Variants in ALG5 observed in about 807,000 individuals in gnomAD.
ALG5 encodes dolichyl-phosphate beta-glucosyltransferase.
ALG5 carries 26 observed loss-of-function variants against 51.8 expected under a neutral mutation model. That is an observed-to-expected ratio of 0.50 (90% CI 0.37 to 0.70). The LOEUF (loss-of-function observed/expected upper bound fraction) is 0.70. Ranked by LOEUF, ALG5 falls within the 30% of genes least tolerant of loss-of-function variation. The probability of loss-of-function intolerance (pLI) is 0.00; values close to 1 mark genes in which losing one functional copy is unlikely to be tolerated. For synonymous variants in ALG5, 141 were observed against 136.1 expected, an observed-to-expected ratio of 1.04 and a Z score of -0.25; for missense variants, 311 against 399.3, an observed-to-expected ratio of 0.78 and a Z score of 1.88.
At chr13:36,995,152 C>T in intron 2 of ALG5, 117 bp from the exon 3 acceptor site, 1 of 899,712 alleles carries the variant, frequency 1.1e-6, no homozygotes, top group Non-Finnish European at 1.7e-6. Context: ...TGGTACTTTC[C>T]CAATGGTCAT....
At chr13:36,995,294 C>T (rs1024782919) in intron 2 of ALG5, 131 bp downstream of exon 2, 2 of 1,010,656 alleles carry the variant, frequency 2.0e-6, no homozygotes, top group Admixed American at 2.7e-5. Flanking sequence ...CGAACTACAA[C>T]AATTATCAAC....
chr13:36,960,633 C>T (rs2058861685), intron 8 of ALG5, among the ~76,000 whole-genome samples: 1 of 151,938 alleles, frequency 6.6e-6, no homozygotes, highest in Admixed American at 6.6e-5. Flanking sequence ...CTGCCTCAGC[C>T]TCCTGAGTAG....
intron 6 of ALG5, among the ~76,000 whole-genome samples, chr13:36,974,179 T>A (rs1219252442): frequency 6.6e-6 from 1 of 151,686 alleles, no homozygotes; most frequent in Non-Finnish European, 1.5e-5. Context: ...CACTGTATAG[T>A]ACCACACTTT....
intron 6 of ALG5, among the ~76,000 whole-genome samples, chr13:36,981,746 A>C (rs953284396): frequency 2.0e-5 from 3 of 152,222 alleles, no homozygotes; most frequent in African/African-American, 7.2e-5. Context: ...ACGAACAGAC[A>C]CATCTTCAGT....
At position 36,981,393 on chromosome 13, in the gene ALG5, C is replaced by T. The variant is rs146654381; in HGVS notation, c.561+4234G>A. ...TTATAGGACTTGACTACAAAACCCA[C>T]GTTCCTGTTTCATTATTTTCTGAAC... is the stretch of plus-strand genomic sequence containing the variant. On this transcript the variant is annotated intron_variant, in intron 6 of 9. Transcript: ENST00000239891. Among the ~76,000 whole-genome samples, 959 of 152,280 alleles carry T rather than the reference C, an allele frequency of 6.3e-3. 10 individuals carry two copies. The highest frequency in any genetic ancestry group is 0.022 in the African/African-American group (902 of 41,546).
intron 6 of ALG5, among the ~76,000 whole-genome samples, chr13:36,976,875 T>C (rs1316606830): frequency 6.6e-6 from 1 of 152,246 alleles, no homozygotes; most frequent in Non-Finnish European, 1.5e-5. Context: ...AGAGGAAGCA[T>C]GTTAAAAGTT....
intron 7 of ALG5, among the ~76,000 whole-genome samples, chr13:36,971,649 C>CAA (rs35424140): frequency 0.066 from 3,324 of 50,704 alleles, 685 homozygotes; most frequent in African/African-American, 0.26. Flanking sequence ...ACTCCGTCTC[C>CAA]AAAAAAAAAA....
At position 36,949,962 on chromosome 13, in the gene ALG5, G is replaced by C; in HGVS notation, c.955C>G (p.Gln319Glu). Reference protein sequence around the residue: ...RYLTGAWRLEQTRKMN With the variant: ...RYLTGAWRLEETRKMN ...ACAACCTAATTCATTTTCCGAGTTT[G>C]CTCAAGCCTCCAGGCACCAGTCAAA... is the stretch of plus-strand genomic sequence containing the variant. Residue 319 changes from glutamine to glutamate, a missense_variant, in exon 10 of 10, where the codon CAA (glutamine) becomes GAA (glutamate). Physicochemically the swap from Gln to Glu is conservative, Grantham distance 29. Transcript: ENST00000239891. The C allele has an allele frequency of 6.2e-7, 1 of 1,611,336 alleles. No homozygotes were observed. The highest frequency in any genetic ancestry group is 8.5e-7 in the Non-Finnish European group (1 of 1,178,930).
intron 7 of ALG5, chr13:36,967,692 G>A: frequency 1.8e-6 from 1 of 568,884 alleles, no homozygotes; most frequent in Non-Finnish European, 3.0e-6. Context: ...AGATAGGGCA[G>A]AAACCTCATC....
intron 7 of ALG5, among the ~76,000 whole-genome samples, chr13:36,969,273 C>T (rs1010164557): frequency 8.5e-5 from 13 of 152,090 alleles, no homozygotes; most frequent in Non-Finnish European, 1.6e-4. Context: ...AAACACATGG[C>T]TCCTTTCTAC....
intron 5 of ALG5, among the ~76,000 whole-genome samples, chr13:36,987,603 A>C (rs938410722): frequency 6.6e-5 from 10 of 152,130 alleles, no homozygotes; most frequent in African/African-American, 2.4e-4. Flanking sequence ...CCTTCACTAG[A>C]GGCAAATGCT....
intron 6 of ALG5, among the ~76,000 whole-genome samples, chr13:36,983,549 C>T (rs2058988834): frequency 7.2e-6 from 1 of 139,438 alleles, no homozygotes; most frequent in African/African-American, 2.7e-5. Flanking sequence ...GCCTGGGCAA[C>T]ACAGTAAGAC....
intron 6 of ALG5, among the ~76,000 whole-genome samples, chr13:36,973,908 T>G (rs1052850165): frequency 6.6e-6 from 1 of 152,216 alleles, no homozygotes; most frequent in African/African-American, 2.4e-5. Flanking sequence ...GCACACTCTC[T>G]AGCAACAGCA....
At chr13:36,993,751 A>C (rs2059036060) in intron 3 of ALG5, 79 bp from the exon 4 acceptor site, 4 of 1,140,782 alleles carry the variant, frequency 3.5e-6, no homozygotes, top group Admixed American at 1.7e-5. Flanking sequence ...AGTAATTTAA[A>C]AAACAACTGC....
At chr13:36,979,362 T>G (rs1039740738) in intron 6 of ALG5, among the ~76,000 whole-genome samples, 10 of 152,126 alleles carry the variant, frequency 6.6e-5, no homozygotes, top group African/African-American at 2.4e-4. Context: ...ACTTTGGAGG[T>G]TGAGTTCTCT....
intron 8 of ALG5, among the ~76,000 whole-genome samples, chr13:36,959,325 C>G (rs2058855009): frequency 6.6e-6 from 1 of 152,150 alleles, no homozygotes; most frequent in South Asian, 2.1e-4. Flanking sequence ...ATGTGTTGTA[C>G]ATTTCAAAAT....
chr13:36,976,685 T>A (rs1054419190), intron 6 of ALG5, among the ~76,000 whole-genome samples: 3 of 151,874 alleles, frequency 2.0e-5, no homozygotes, highest in Admixed American at 2.0e-4. Context: ...GAGGCAGAGG[T>A]TGCGGTGAGC....
At position 36,954,023 on chromosome 13, in the gene ALG5, G is replaced by A. The variant is rs142839879; in HGVS notation, c.774-1424C>T. Among the ~76,000 whole-genome samples the A allele has an allele frequency of 3.9e-3, 589 of 151,404 alleles. 16 individuals carry two copies. The East Asian group carries it at 0.081, about 21-fold the overall frequency. ...CTTATCAAATACACAAAACAATTGA[G>A]TAAAAAAGAGTGGGGTGGTTAACTG... On this transcript the variant is annotated intron_variant, in intron 8 of 9. Transcript: ENST00000239891.
rs757367488 is a variant in ALG5, at chr13:36,999,261, C to A, written c.40G>T (p.Ala14Ser). Residue 14 changes from alanine to serine, a missense_variant, in exon 1 of 10, where the codon GCG becomes TCG. By Grantham distance (99) the Ala-to-Ser change is moderately conservative. Coordinates refer to ENST00000239891, the MANE Select transcript of ALG5 (RefSeq NM_013338.5). ...LLLQLAVLGA[A>S]LAAAALVLIS... ...AGTACGAGGGCTGCGGCCGCCAGCG[C>A]CGCGCCGAGCACCGCCAGCTGCAAC... 1.1e-5 allele frequency: 17 copies of A among 1,580,974 alleles called. 2 individuals carry two copies. In the South Asian group the frequency reaches 1.9e-4, roughly 18 times the overall value.
Sources: allele counts gnomAD v4.1 joint callset (sites outside exome capture counted in the v4.1 genomes callset), GRCh38; gene constraint gnomAD v4.1.1; transcripts MANE v1.5; gene names NCBI Gene and HGNC (gene_info 2026-07-23, HGNC 2026-07-21).